Variants in KSR2 observed in about 807,000 individuals in gnomAD.
The protein encoded by KSR2 is kinase suppressor of ras 2.
KSR2 carries 25 observed loss-of-function variants against 107.8 expected under a neutral mutation model. The ratio of observed to expected loss-of-function variants is 0.23; its 90% confidence interval spans 0.17 to 0.32. The LOEUF is 0.32. Ranked by LOEUF, KSR2 falls within the 10% of genes least tolerant of loss-of-function variation. KSR2 has a pLI of 1.00. For synonymous variants in KSR2, 480 were observed against 507.0 expected, an observed-to-expected ratio of 0.95 and a Z score of 0.71; for missense variants, 887 against 1,268.9, an observed-to-expected ratio of 0.70 and a Z score of 4.57.
chr12:117,503,020 G>C (rs1455764692), intron 14 of KSR2, among the ~76,000 whole-genome samples: 1 of 152,148 alleles, frequency 6.6e-6, no homozygotes, highest in African/African-American at 2.4e-5. Flanking sequence ...AAGAGGAATG[G>C]AGAAAAATTG....
Position 117,484,515 on chromosome 12 carries a change from T to C in KSR2, c.2351A>G (p.His784Arg). The part of the protein sequence containing the change: ...MGYLHAKGIL[H>R]KDLKSKNVFY... ...GACGTTCTTTGACTTGAGGTCCTTG[T>C]GTAGGATTCCCTTGGCGTGGAGGTA... Residue 784 changes from histidine (H) to arginine (R), a missense_variant, in exon 16 of 20, where the codon CAC (histidine) becomes CGC (arginine). By Grantham distance (29) the His-to-Arg change is conservative. Transcript: ENST00000339824. 6.2e-7 allele frequency: 1 copy of C among 1,613,982 alleles called. No homozygotes were observed. Among genetic ancestry groups the C allele is most frequent in the Non-Finnish European group, 8.5e-7 (1 of 1,179,862 alleles).
chr12:117,839,864 A>G (rs1892391066), intron 3 of KSR2, among the ~76,000 whole-genome samples: 1 of 152,208 alleles, frequency 6.6e-6, no homozygotes, highest in Admixed American at 6.5e-5. Context: ...AGCAGCAGAG[A>G]AGAAAGTATC....
At chr12:117,696,658 C>T (rs1208557725) in intron 4 of KSR2, among the ~76,000 whole-genome samples, 1 of 152,060 alleles carries the variant, frequency 6.6e-6, no homozygotes, top group Non-Finnish European at 1.5e-5. Flanking sequence ...TTGGATAGTG[C>T]CATTCTCCCA....
intron 19 of KSR2, among the ~76,000 whole-genome samples, chr12:117,468,549 C>T (rs1006688773): frequency 6.6e-6 from 1 of 152,168 alleles, no homozygotes; most frequent in Non-Finnish European, 1.5e-5. Flanking sequence ...ATGTCCACAG[C>T]CCCCGGGGAC....
chr12:117,835,334 G>A (rs2137131508), intron 3 of KSR2, among the ~76,000 whole-genome samples: 1 of 152,302 alleles, frequency 6.6e-6, no homozygotes, highest in South Asian at 2.1e-4. Flanking sequence ...GAGTTGGAGG[G>A]AGGGTGGTAT....
At chr12:117,472,071 A>G (rs1190125764) in intron 17 of KSR2, among the ~76,000 whole-genome samples, 1 of 152,066 alleles carries the variant, frequency 6.6e-6, no homozygotes, top group Admixed American at 6.6e-5. Flanking sequence ...TCCTGATTCT[A>G]TTTATACTAG....
chr12:117,502,569 T>A (rs1012118012), intron 14 of KSR2, among the ~76,000 whole-genome samples: 3 of 151,976 alleles, frequency 2.0e-5, no homozygotes, highest in African/African-American at 7.2e-5. Context: ...AGAGAGAAAA[T>A]GTTCTAAAAT....
At position 117,955,855 on chromosome 12, in the gene KSR2, T is replaced by TAA. The variant is rs34170897; in HGVS notation, c.180+12219_180+12220dup. Among the ~76,000 whole-genome samples the TAA allele has an allele frequency of 2.6e-3, 372 of 143,848 alleles. 2 individuals carry two copies. Among genetic ancestry groups the TAA allele is most frequent in the Middle Eastern group, 0.011 (3 of 274 alleles). 94.4% of individuals were successfully genotyped at this position (143,848 alleles called of 152,430 possible). A position where few individuals can be genotyped will look rare whatever the true frequency, so the allele number is the denominator to read the frequency against. On this transcript the variant is annotated intron_variant, in intron 1 of 19. Coordinates refer to ENST00000339824, the MANE Select transcript of KSR2 (RefSeq NM_173598.6). ...AAAATTTTCTAGTAGCCTCAGGGGG[T>TAA]AAAAAAAAAAAGGAAAGTACATACA...
intron 3 of KSR2, among the ~76,000 whole-genome samples, chr12:117,786,167 T>A (rs1412058415): frequency 6.6e-6 from 1 of 152,214 alleles, no homozygotes. Flanking sequence ...AGAACATCTT[T>A]TTTTTTGCAG....
At chr12:117,512,695 A>G (rs1874105447) in intron 14 of KSR2, among the ~76,000 whole-genome samples, 1 of 150,166 alleles carries the variant, frequency 6.7e-6, no homozygotes, top group Non-Finnish European at 1.5e-5. Flanking sequence ...GAACAGCGAG[A>G]TATCTAAATG....
chr12:117,795,193 A>G (rs1890578521), intron 3 of KSR2, among the ~76,000 whole-genome samples: 2 of 152,206 alleles, frequency 1.3e-5, no homozygotes, highest in Non-Finnish European at 2.9e-5. Flanking sequence ...GTGCCTCGGA[A>G]GAAATTCATT....
chr12:117,559,797 TG>T (rs1877984554), intron 7 of KSR2, among the ~76,000 whole-genome samples: 1 of 152,166 alleles, frequency 6.6e-6, no homozygotes, highest in Non-Finnish European at 1.5e-5. Context: ...GTCCTTTTCT[TG>T]TAGAGTTTTA....
chr12:117,838,606 T>A (rs1432587544), intron 3 of KSR2, among the ~76,000 whole-genome samples: 1 of 152,198 alleles, frequency 6.6e-6, no homozygotes, highest in Admixed American at 6.5e-5. Context: ...GAGCACTTAC[T>A]ATAGGAAGTT....
chr12:117,553,063 C>G (rs1383725536), intron 9 of KSR2, among the ~76,000 whole-genome samples: 1 of 152,234 alleles, frequency 6.6e-6, no homozygotes, highest in East Asian at 1.9e-4. Flanking sequence ...ATAACTGGAA[C>G]AGCCCCATTT....
chr12:117,757,194 C>T (rs1565997879), intron 4 of KSR2, among the ~76,000 whole-genome samples: 1 of 152,072 alleles, frequency 6.6e-6, no homozygotes, highest in Non-Finnish European at 1.5e-5. Flanking sequence ...TCATGGATGA[C>T]TTTGAGGCAT....
At chr12:117,679,831 C>A (rs959203146) in intron 4 of KSR2, among the ~76,000 whole-genome samples, 1 of 152,146 alleles carries the variant, frequency 6.6e-6, no homozygotes, top group African/African-American at 2.4e-5. Flanking sequence ...ATGGGCCAAC[C>A]AATGGCCAAA....
At chr12:117,683,473 T>C (rs896570917) in intron 4 of KSR2, among the ~76,000 whole-genome samples, 1 of 152,206 alleles carries the variant, frequency 6.6e-6, no homozygotes, top group African/African-American at 2.4e-5. Context: ...GAAAATGTAG[T>C]TAGGTATAAA....
intron 4 of KSR2, among the ~76,000 whole-genome samples, chr12:117,741,147 T>C (rs1298271894): frequency 6.6e-6 from 1 of 152,108 alleles, no homozygotes; most frequent in Admixed American, 6.5e-5. Context: ...CTGGGACAAT[T>C]TGAGCATCAA....
intron 14 of KSR2, among the ~76,000 whole-genome samples, chr12:117,486,031 C>T (rs569316229): frequency 6.6e-4 from 101 of 152,220 alleles, no homozygotes; most frequent in Non-Finnish European, 9.4e-4. Flanking sequence ...GGTCCTCAGA[C>T]GCCACTCAGA....
Sources: gnomAD v4.1 joint callset for allele counts (sites outside exome capture counted in the v4.1 genomes callset) on GRCh38, gnomAD v4.1.1 for gene constraint, MANE v1.5 for transcripts, NCBI Gene and HGNC (gene_info 2026-07-23, HGNC 2026-07-21) for gene names.